The following TMA16 variants were observed in gnomAD, a reference collection of about 807,000 sequenced individuals.
TMA16 encodes translation machinery-associated protein 16.
TMA16 carries 26 observed loss-of-function variants against 27.1 expected under a neutral mutation model. The ratio of observed to expected loss-of-function variants is 0.96; its 90% CI spans 0.70 to 1.33. The LOEUF is 1.33. Among genes scored for constraint, TMA16 ranks in the 40% most tolerant of loss-of-function variants. TMA16 has a pLI of 0.00. For synonymous variants in TMA16, 71 were observed against 81.9 expected (o/e 0.87, Z 0.72); for missense variants, 233 against 241.4 (o/e 0.97, Z 0.23).
At chr4:163,519,285 T>C in intron 6 of TMA16, 49 bp from the exon 7 acceptor site, 2 of 1,472,218 alleles carry the variant, frequency 1.4e-6, no homozygotes, top group Non-Finnish European at 1.8e-6. Context: ...TTTTCCACAT[T>C]AACTCTTACC....
chr4:163,511,033 C>CT (rs1737784906), intron 2 of TMA16, among the ~76,000 whole-genome samples: 1 of 152,106 alleles, frequency 6.6e-6, no homozygotes, highest in African/African-American at 2.4e-5. Context: ...GTTTATAAGA[C>CT]GTTAGGTTAA....
In TMA16 at chr4:163,516,857, C is replaced by T. The variant is rs116544648; in HGVS notation, c.389-577C>T. On this transcript the variant is annotated intron_variant, in intron 5 of 6. Transcript: ENST00000358572. The stretch of plus-strand genomic sequence containing the variant: ...TTCTACCTTGTGAAGGCAGATTATA[C>T]GTTTGAAAACATTGTACTTTTCACG... 2.4e-3 allele frequency among the ~76,000 whole-genome samples: 359 copies of T among 152,004 alleles called. 1 individual carries two copies. The highest frequency in any genetic ancestry group is 8.0e-3 in the African/African-American group (331 of 41,450).
chr4:163,502,474 T>G (rs1307861599), intron 1 of TMA16, among the ~76,000 whole-genome samples: 1 of 152,096 alleles, frequency 6.6e-6, no homozygotes, highest in East Asian at 1.9e-4. Context: ...GAGCTGCTAT[T>G]AAGGAAATAA....
chr4:163,513,380 G>GT, intron 3 of TMA16, among the ~76,000 whole-genome samples: 1 of 152,206 alleles, frequency 6.6e-6, no homozygotes, highest in Middle Eastern at 3.4e-3. Context: ...GCTTCATCAG[G>GT]TAATAGAATA....
At chr4:163,512,123 T>A (rs1366160075) in intron 2 of TMA16, among the ~76,000 whole-genome samples, 1 of 152,172 alleles carries the variant, frequency 6.6e-6, no homozygotes, top group Non-Finnish European at 1.5e-5. Context: ...AGGTGCTTTT[T>A]AAATATGCTT....
intron 6 of TMA16, 90 bp downstream of exon 6, chr4:163,517,566 T>G: frequency 8.2e-7 from 1 of 1,214,404 alleles, no homozygotes; most frequent in Admixed American, 2.4e-5. Flanking sequence ...CCGGTAGAAC[T>G]AAAAGAAAAT....
At chr4:163,497,342 G>A (rs1737573033) in intron 1 of TMA16, among the ~76,000 whole-genome samples, 1 of 152,150 alleles carries the variant, frequency 6.6e-6, no homozygotes, top group Non-Finnish European at 1.5e-5. Flanking sequence ...AATATTACTT[G>A]TACATGGTTT....
chr4:163,496,936 G>T (rs182206456), intron 1 of TMA16, among the ~76,000 whole-genome samples: 1 of 152,290 alleles, frequency 6.6e-6, no homozygotes, highest in African/African-American at 2.4e-5. Flanking sequence ...ACAAGTGTGG[G>T]CCACCGTGCC....
intron 1 of TMA16, among the ~76,000 whole-genome samples, chr4:163,496,558 A>G (rs1737556090): frequency 6.6e-6 from 1 of 151,652 alleles, no homozygotes; most frequent in African/African-American, 2.4e-5. Flanking sequence ...TCCACTCAAC[A>G]CTTCTTTATG....
At position 163,520,104 on chromosome 4, in the gene TMA16, C is replaced by G. The variant is rs1486432395; in HGVS notation, c.*590C>G. 2 of 499,640 alleles carry G rather than the reference C, an allele frequency of 4.0e-6. No homozygotes were observed. Among genetic ancestry groups the G allele is most frequent in the Admixed American group, 4.0e-5 (1 of 25,250 alleles). 31.0% of individuals were successfully genotyped at this position (499,640 alleles called of 1,614,324 possible). On this transcript the variant is annotated 3_prime_UTR_variant, in exon 7 of 7. Transcript: ENST00000358572. Reference sequence around the variant, plus strand: ...CAGTGATGATTGTTATGTTGATCTCCCACAATTAATTTATCTTTTGACAAA... The same window carrying G: ...CAGTGATGATTGTTATGTTGATCTCGCACAATTAATTTATCTTTTGACAAA...
intron 1 of TMA16, among the ~76,000 whole-genome samples, chr4:163,501,291 C>T (rs1019527544): frequency 6.6e-6 from 1 of 152,122 alleles, no homozygotes; most frequent in South Asian, 2.1e-4. Context: ...AATGGGGTTG[C>T]GTGTGAGATG....
intron 1 of TMA16, among the ~76,000 whole-genome samples, chr4:163,498,594 A>C (rs1382968138): frequency 6.6e-6 from 1 of 152,176 alleles, no homozygotes; most frequent in Non-Finnish European, 1.5e-5. Context: ...GCTGGTTAAA[A>C]GATTTTTGAC....
At chr4:163,512,536 T>A in intron 2 of TMA16, 2 of 273,790 alleles carry the variant, frequency 7.3e-6, no homozygotes, top group Non-Finnish European at 1.4e-5. Flanking sequence ...CCCATCTGAA[T>A]GTTCACAATT....
At chr4:163,496,304 C>T (rs1737552126) in intron 1 of TMA16, among the ~76,000 whole-genome samples, 2 of 152,186 alleles carry the variant, frequency 1.3e-5, no homozygotes, top group African/African-American at 4.8e-5. Context: ...GTACCTACCT[C>T]ATAGAATTGT....
At chr4:163,518,431 A>G (rs1737918294) in intron 6 of TMA16, among the ~76,000 whole-genome samples, 1 of 152,252 alleles carries the variant, frequency 6.6e-6, no homozygotes. Flanking sequence ...GGGAATAAAT[A>G]GACAACCTAT....
intron 2 of TMA16, among the ~76,000 whole-genome samples, 157 bp downstream of exon 2, chr4:163,507,302 C>G (rs1291546529): frequency 6.6e-6 from 1 of 152,132 alleles, no homozygotes; most frequent in Admixed American, 6.5e-5. Context: ...AAGGACTCTA[C>G]TCTTTTAGAG....
intron 1 of TMA16, among the ~76,000 whole-genome samples, chr4:163,504,740 C>A (rs1209109490): frequency 4.6e-5 from 7 of 152,204 alleles, no homozygotes; most frequent in Non-Finnish European, 8.8e-5. Context: ...ACAAGTGATT[C>A]CACCTGCCTC....
chr4:163,496,514 G>A (rs980992833), intron 1 of TMA16, among the ~76,000 whole-genome samples: 9 of 152,100 alleles, frequency 5.9e-5, no homozygotes, highest in Admixed American at 3.9e-4. Context: ...TAGTTTACCT[G>A]TTATATATAA....
At chr4:163,506,757 ATGT>A (rs1411348921) in intron 1 of TMA16, among the ~76,000 whole-genome samples, 6 of 152,108 alleles carry the variant, frequency 3.9e-5, no homozygotes, top group East Asian at 1.9e-4. Flanking sequence ...AAGATAGAAC[ATGT>A]TGTTGAAGAG....
Sources: gnomAD v4.1 joint callset for allele counts (sites outside exome capture counted in the v4.1 genomes callset) on GRCh38, gnomAD v4.1.1 for gene constraint, MANE v1.5 for transcripts, NCBI Gene and HGNC (gene_info 2026-07-23, HGNC 2026-07-21) for gene names.